Variants in ADAMTS3 observed in about 807,000 individuals in gnomAD.
The protein encoded by ADAMTS3 is ADAM metallopeptidase with thrombospondin type 1 motif 3.
Under a neutral mutation model 129.0 loss-of-function variants are expected in ADAMTS3, and 73 were observed. The ratio of observed to expected loss-of-function variants is 0.57; its 90% CI spans 0.47 to 0.69. ADAMTS3 has a LOEUF of 0.69. ADAMTS3 is among the 30% of genes least tolerant of loss of function. The probability of loss-of-function intolerance (pLI) is 0.00; values close to 1 mark genes in which losing one functional copy is unlikely to be tolerated. For synonymous variants in ADAMTS3, 477 were observed against 510.8 expected (o/e 0.93, Z 0.89); for missense variants, 1,457 against 1,514.5 (o/e 0.96, Z 0.63).
intron 5 of ADAMTS3, among the ~76,000 whole-genome samples, chr4:72,328,392 T>C (rs2109817925): frequency 6.6e-6 from 1 of 152,344 alleles, no homozygotes; most frequent in East Asian, 1.9e-4. Flanking sequence ...CAATCTGACC[T>C]GCTTTGTCTG....
intron 3 of ADAMTS3, among the ~76,000 whole-genome samples, chr4:72,547,996 C>A (rs1443378929): frequency 1.3e-5 from 2 of 152,172 alleles, no homozygotes; most frequent in Non-Finnish European, 1.5e-5. Context: ...GTTATTTGGA[C>A]AAATTCTGAC....
chr4:72,460,048 G>T (rs957453194), intron 3 of ADAMTS3, among the ~76,000 whole-genome samples: 2 of 151,384 alleles, frequency 1.3e-5, no homozygotes, highest in South Asian at 2.1e-4. Flanking sequence ...TCAGATTTTG[G>T]ATTTTTAAAT....
intron 5 of ADAMTS3, among the ~76,000 whole-genome samples, chr4:72,324,745 C>T (rs1172227555): frequency 6.6e-6 from 1 of 152,046 alleles, no homozygotes; most frequent in Non-Finnish European, 1.5e-5. Flanking sequence ...TACAGAAAAC[C>T]TGAAGTATTG....
At chr4:72,298,162 TTA>T (rs1347576003) in intron 18 of ADAMTS3, 113 bp downstream of exon 18, 2 of 748,636 alleles carry the variant, frequency 2.7e-6, no homozygotes, top group Non-Finnish European at 4.2e-6. Flanking sequence ...GTTTTGATGG[TTA>T]TGTTTGGTGT....
chr4:72,564,419 C>T (rs1721975505), intron 2 of ADAMTS3, among the ~76,000 whole-genome samples: 1 of 152,142 alleles, frequency 6.6e-6, no homozygotes, highest in Non-Finnish European at 1.5e-5. Context: ...TACTCTGAGT[C>T]AGAAATGACA....
chr4:72,330,065 C>T (rs2109820665), intron 5 of ADAMTS3, among the ~76,000 whole-genome samples: 1 of 152,248 alleles, frequency 6.6e-6, no homozygotes, highest in African/African-American at 2.4e-5. Flanking sequence ...GTTGCCCAGG[C>T]TGGAGTACAA....
chr4:72,447,797 A>G (rs1046312271), intron 3 of ADAMTS3, among the ~76,000 whole-genome samples: 1 of 151,682 alleles, frequency 6.6e-6, no homozygotes, highest in African/African-American at 2.4e-5. Context: ...GATAAAATTC[A>G]TATTTTTCCT....
At chr4:72,486,898 C>T (rs1300570630) in intron 3 of ADAMTS3, among the ~76,000 whole-genome samples, 1 of 152,064 alleles carries the variant, frequency 6.6e-6, no homozygotes, top group African/African-American at 2.4e-5. Context: ...GGTAGAAGGG[C>T]AAAATATAGC....
chr4:72,557,029 A>T, intron 2 of ADAMTS3, among the ~76,000 whole-genome samples: 1 of 151,794 alleles, frequency 6.6e-6, no homozygotes, highest in East Asian at 1.9e-4. Context: ...TACCCAATCT[A>T]AAAGACTGGA....
At chr4:72,496,394 C>G (rs1719873739) in intron 3 of ADAMTS3, among the ~76,000 whole-genome samples, 1 of 152,144 alleles carries the variant, frequency 6.6e-6, no homozygotes, top group Admixed American at 6.6e-5. Flanking sequence ...TTATCCTGAC[C>G]ATGGCATTCA....
chr4:72,430,357 C>T lies in ADAMTS3; in HGVS notation c.505-15386G>A, dbSNP rs905886669. On this transcript the variant is annotated intron_variant, in intron 3 of 21. Transcript: ENST00000286657. ...TCCTCAGATGCTTCCTCTCAGAGCC[C>T]AGCAGCCACACTGGGAGAAACCCAA... 4.6e-5 allele frequency among the ~76,000 whole-genome samples: 7 copies of T among 151,952 alleles called. No homozygotes were observed. The South Asian group carries it at 6.2e-4, about 13-fold the overall frequency.
intron 3 of ADAMTS3, among the ~76,000 whole-genome samples, chr4:72,530,821 ATATAGAT>A (rs1393776099): frequency 2.8e-5 from 3 of 106,030 alleles, no homozygotes; most frequent in Non-Finnish European, 1.8e-5. Context: ...ATTATATATT[ATATAGAT>A]TATATATAAT....
rs1398812012 is a variant in ADAMTS3 at position 72,568,310 on chromosome 4, T to C, written c.69+384A>G. Among the ~76,000 whole-genome samples the C allele has an allele frequency of 3.3e-5, 5 of 152,252 alleles. No homozygotes were observed. In the East Asian group the frequency reaches 9.7e-4, roughly 30 times the overall value. On this transcript the variant is annotated intron_variant, in intron 1 of 21. Coordinates refer to ENST00000286657, the MANE Select transcript of ADAMTS3 (RefSeq NM_014243.3). ...ACTCTGGCGGCAGCAGCCAGAGCGC[T>C]GGGATCCCGGACCCAGCGTCCAGAA... is the stretch of plus-strand genomic sequence containing the variant.
At chr4:72,483,081 G>T (rs978806784) in intron 3 of ADAMTS3, among the ~76,000 whole-genome samples, 2 of 152,004 alleles carry the variant, frequency 1.3e-5, no homozygotes, top group Non-Finnish European at 1.5e-5. Context: ...ATTTTCCTAA[G>T]ATTAGGATTA....
chr4:72,530,551 T>G (rs1295615039), intron 3 of ADAMTS3, among the ~76,000 whole-genome samples: 3 of 81,820 alleles, frequency 3.7e-5, no homozygotes, highest in African/African-American at 1.0e-4. Flanking sequence ...TAATTTAAAA[T>G]ATATTGATTT....
chr4:72,503,299 C>T (rs887453970), intron 3 of ADAMTS3, among the ~76,000 whole-genome samples: 1 of 152,094 alleles, frequency 6.6e-6, no homozygotes, highest in African/African-American at 2.4e-5. Flanking sequence ...GGGATTATAG[C>T]CGTGAGACAC....
intron 2 of ADAMTS3, among the ~76,000 whole-genome samples, chr4:72,565,479 G>A (rs1721999488): frequency 6.6e-6 from 1 of 152,148 alleles, no homozygotes; most frequent in South Asian, 2.1e-4. Flanking sequence ...CTGTACATAA[G>A]ATTTTCTTAC....
At chr4:72,392,915 A>ATTTTTTTTTTTTTTTTTTTTTTTTTTTT (rs36046621) in intron 4 of ADAMTS3, among the ~76,000 whole-genome samples, 1 of 139,852 alleles carries the variant, frequency 7.2e-6, no homozygotes. Flanking sequence ...TACCCATCGG[A>ATTTTTTTTTTTTTTTTTTTTTTTTTTTT]TTTTTTTTTT....
At chr4:72,361,956 T>C (rs553438365) in intron 4 of ADAMTS3, among the ~76,000 whole-genome samples, 3 of 152,230 alleles carry the variant, frequency 2.0e-5, no homozygotes, top group South Asian at 4.1e-4. Flanking sequence ...AAATTCTGTA[T>C]GCATACGTAA....
Sources: gnomAD v4.1 joint callset for allele counts (sites outside exome capture counted in the v4.1 genomes callset) on GRCh38, gnomAD v4.1.1 for gene constraint, MANE v1.5 for transcripts, NCBI Gene and HGNC (gene_info 2026-07-23, HGNC 2026-07-21) for gene names.